Variants in ERMP1 observed in about 807,000 individuals in gnomAD.
ERMP1 encodes the protein Felix-ina.
In ERMP1, 86 loss-of-function variants were observed where a neutral mutation model predicts 92.0. The observed-to-expected ratio is 0.93, with a 90% CI of 0.79 to 1.12. ERMP1 has a LOEUF of 1.12. ERMP1 is among the 50% of genes most tolerant of loss of function. The pLI is 0.00. For synonymous variants in ERMP1, 530 were observed against 412.8 expected, an observed-to-expected ratio of 1.28 and a Z score of -3.44; for missense variants, 1,342 against 1,116.3, an observed-to-expected ratio of 1.20 and a Z score of -2.88.
At chr9:5,825,482 T>C (rs564452777) in intron 2 of ERMP1, among the ~76,000 whole-genome samples, 2 of 152,338 alleles carry the variant, frequency 1.3e-5, no homozygotes, top group East Asian at 3.9e-4. Flanking sequence ...TAGTGTCTGC[T>C]AAATGAAGTA....
intron 8 of ERMP1, among the ~76,000 whole-genome samples, chr9:5,808,355 G>A (rs1828948271): frequency 6.6e-6 from 1 of 152,194 alleles, no homozygotes; most frequent in Admixed American, 6.5e-5. Context: ...ATAAAAATAA[G>A]CATGTGAAAT....
At position 5,823,879 on chromosome 9, in the gene ERMP1, C is replaced by A. The variant is rs769608008; in HGVS notation, c.874+17G>T. The stretch of plus-strand genomic sequence containing the variant: ...ACTAGAATTGCATTAAAATATACAA[C>A]GCACAATCTCACATACCTGTTTGGA... On this transcript the variant is annotated intron_variant, in intron 4 of 14. Coordinates refer to ENST00000339450, the MANE Select transcript of ERMP1 (RefSeq NM_024896.3). 32 of 1,520,396 alleles carry A rather than the reference C, an allele frequency of 2.1e-5. 1 individual carries two copies. The highest frequency in any genetic ancestry group is 1.4e-4 in the African/African-American group (10 of 72,432). 94.2% of individuals were successfully genotyped at this position (1,520,396 alleles called of 1,614,324 possible).
intron 2 of ERMP1, among the ~76,000 whole-genome samples, chr9:5,825,809 G>GT (rs1482994652): frequency 6.6e-6 from 1 of 152,206 alleles, no homozygotes; most frequent in Non-Finnish European, 1.5e-5. Flanking sequence ...GACCTAAGTA[G>GT]TATCCTAGGT....
At chr9:5,791,402 T>A (rs1021713754) in intron 13 of ERMP1, 1 of 440,862 alleles carries the variant, frequency 2.3e-6, no homozygotes, top group Admixed American at 2.4e-5. Flanking sequence ...TGAGGCTCAC[T>A]TGCATTATGG....
At chr9:5,806,607 A>C (rs1828883092) in intron 8 of ERMP1, among the ~76,000 whole-genome samples, 1 of 151,564 alleles carries the variant, frequency 6.6e-6, no homozygotes, top group Non-Finnish European at 1.5e-5. Context: ...TTTAAAAAAA[A>C]CATTTTTTTT....
In ERMP1 at chr9:5,833,071, C is replaced by A; in HGVS notation, c.-44G>T. ...CCAGCCCAACCGCCCCAACCCGCGACAGCCCCGGCCGCCGCCGACGCCGCC... is the reference window on the plus strand; with the variant it reads ...CCAGCCCAACCGCCCCAACCCGCGAAAGCCCCGGCCGCCGCCGACGCCGCC... On this transcript the variant is annotated 5_prime_UTR_variant, in exon 1 of 15. Coordinates refer to ENST00000339450, the MANE Select transcript of ERMP1 (RefSeq NM_024896.3). 1 of 1,398,198 alleles carries A rather than the reference C, an allele frequency of 7.2e-7. No individual in the cohort carries two copies. Among genetic ancestry groups the A allele is most frequent in the Non-Finnish European group, 9.2e-7 (1 of 1,084,140 alleles). 86.6% of individuals were successfully genotyped at this position (1,398,198 alleles called of 1,614,324 possible).
intron 6 of ERMP1, among the ~76,000 whole-genome samples, chr9:5,848,309 G>A (rs1830263955): frequency 6.6e-6 from 1 of 152,172 alleles, no homozygotes; most frequent in African/African-American, 2.4e-5. Context: ...AGATAATGGA[G>A]GAGGTCGGAG....
chr9:5,832,873 C>G lies in ERMP1; in HGVS notation c.155G>C (p.Arg52Thr). ...CGCGCCGCCGCTACCCCCGGGGCTCCTCTTCCGCGTCCTCCCGCCGCCGCT... is the reference window on the plus strand; with the variant it reads ...CGCGCCGCCGCTACCCCCGGGGCTCGTCTTCCGCGTCCTCCCGCCGCCGCT... ...GCSGGGRTRK[R>T]SPGGSGGASR... The change falls in exon 1 of 15, where the codon AGG becomes ACG. Residue 52 changes from arginine to threonine, a missense_variant. Transcript: ENST00000339450. 3 of 1,528,974 alleles carry G rather than the reference C, an allele frequency of 2.0e-6. No homozygotes were observed. The highest frequency in any genetic ancestry group is 2.6e-6 in the Non-Finnish European group (3 of 1,147,704). The allele number at this position is 1,528,974 out of a possible 1,614,324, so 94.7% of individuals were successfully genotyped here. A position where few individuals can be genotyped will look rare whatever the true frequency, so the allele number is the denominator to read the frequency against.
At chr9:5,801,579 CA>C (rs1828674949) in intron 10 of ERMP1, among the ~76,000 whole-genome samples, 1 of 151,876 alleles carries the variant, frequency 6.6e-6, no homozygotes, top group Non-Finnish European at 1.5e-5. Context: ...GGCATGCAGC[CA>C]AAAACCAAGA....
chr9:5,849,818 G>C (rs530330860), intron 6 of ERMP1, among the ~76,000 whole-genome samples: 3 of 152,268 alleles, frequency 2.0e-5, no homozygotes, highest in Admixed American at 6.5e-5. Context: ...CTACCAGTTG[G>C]ATCACATATA....
At chr9:5,854,417 T>C (rs551031397) in intron 6 of ERMP1, among the ~76,000 whole-genome samples, 5 of 152,190 alleles carry the variant, frequency 3.3e-5, no homozygotes, top group Non-Finnish European at 7.3e-5. Context: ...ATAATATGCT[T>C]GGGTCACTCA....
chr9:5,827,059 A>T (rs1026421928), intron 2 of ERMP1, among the ~76,000 whole-genome samples: 2 of 152,194 alleles, frequency 1.3e-5, no homozygotes, highest in Non-Finnish European at 2.9e-5. Flanking sequence ...AAATAACTCA[A>T]TGCCTCTTCT....
Position 5,812,978 on chromosome 9 carries a change from G to A in ERMP1, c.932C>T (p.Ala311Val). 2 of 1,614,036 alleles carry A rather than the reference G, an allele frequency of 1.2e-6. No individual in the cohort carries two copies. Among genetic ancestry groups the A allele is most frequent in the Non-Finnish European group, 1.7e-6 (2 of 1,179,918 alleles). The change falls in exon 5 of 15, where the codon GCT (alanine) becomes GTT (valine). Residue 311 changes from alanine (A) to valine (V), a missense_variant. Ala to Val is a moderately conservative substitution (Grantham distance 64, BLOSUM62 0). Coordinates refer to ENST00000339450, the MANE Select transcript of ERMP1 (RefSeq NM_024896.3). ...AAAAACCTCCTGAGCCACCACAGAAGCAAAAGGGTGTTTAGCTGCTGAAAC... is the reference window on the plus strand; with the variant it reads ...AAAAACCTCCTGAGCCACCACAGAAACAAAAGGGTGTTTAGCTGCTGAAAC... Reference protein sequence around the residue: ...AYVSAAKHPFASVVAQEVFQS... With the variant: ...AYVSAAKHPFVSVVAQEVFQS...
chr9:5,856,870 A>G (rs532729297), intron 6 of ERMP1, among the ~76,000 whole-genome samples: 106 of 152,300 alleles, frequency 7.0e-4, no homozygotes, highest in Non-Finnish European at 1.1e-3. Context: ...AAACGTATAC[A>G]TGGAATTTTC....
At chr9:5,864,948 A>G (rs1043677950) in intron 5 of ERMP1, among the ~76,000 whole-genome samples, 4 of 152,228 alleles carry the variant, frequency 2.6e-5, no homozygotes, top group Admixed American at 6.5e-5. Flanking sequence ...TTGTGACTCA[A>G]CAATATTTCT....
chr9:5,787,245 CCCCAGACA>C lies in ERMP1; in HGVS notation c.2606_2613del (p.Leu869ArgfsTer50). 6.2e-7 allele frequency: 1 copy of C among 1,614,074 alleles called. No homozygotes were observed. The highest frequency in any genetic ancestry group is 1.1e-5 in the South Asian group (1 of 91,078). ...TCCAGTTGAGGGGATCTCTTGTCTT[CCCCAGACA>C]GATAGTGGGCAGCAATGGCCACGGT... is the stretch of plus-strand genomic sequence containing the variant. On this transcript the variant is annotated frameshift_variant, in exon 15 of 15. Coordinates refer to ENST00000339450, the MANE Select transcript of ERMP1 (RefSeq NM_024896.3). LOFTEE classifies it high-confidence loss of function.
chr9:5,801,236 T>A lies in ERMP1; in HGVS notation c.2007A>T (p.Gly669=). The part of the protein sequence containing the change: ...CAITFLLVCS[G]TFFPYSSNPA... ...GATTGGAGCTATATGGAAAAAATGT[T>A]CCACTGCAAACAAGGAGGAATGTAA... Residue 669 remains glycine (G), a synonymous_variant, in exon 11 of 15, where the codon GGA becomes GGT. Transcript: ENST00000339450. 1 of 1,613,972 alleles carries A rather than the reference T, an allele frequency of 6.2e-7. No homozygotes were observed.
chr9:5,850,392 T>C (rs1357413722), intron 6 of ERMP1, among the ~76,000 whole-genome samples: 1 of 57,784 alleles, frequency 1.7e-5, no homozygotes, highest in Non-Finnish European at 3.0e-5. Flanking sequence ...GCGACGAGAA[T>C]GAAACTCCGT....
At chr9:5,795,934 A>G (rs1010764884) in intron 13 of ERMP1, among the ~76,000 whole-genome samples, 1 of 152,198 alleles carries the variant, frequency 6.6e-6, no homozygotes, top group Non-Finnish European at 1.5e-5. Context: ...TTTCCTGTAG[A>G]CCATCAATGA....
Sources: gnomAD v4.1 joint callset for allele counts (sites outside exome capture counted in the v4.1 genomes callset) on GRCh38, gnomAD v4.1.1 for gene constraint, MANE v1.5 for transcripts, NCBI Gene and HGNC (gene_info 2026-07-23, HGNC 2026-07-21) for gene names.